Variants in FNDC3B observed in about 807,000 individuals in gnomAD.
FNDC3B encodes fibronectin type III domain containing 3B, also known as fibronectin type III domain-containing protein 3B.
Under a neutral mutation model 151.5 loss-of-function variants are expected in FNDC3B, and 12 were observed. The observed-to-expected ratio is 0.08, with a 90% CI of 0.05 to 0.13. FNDC3B has a LOEUF of 0.13. Ranked by LOEUF, FNDC3B falls within the 10% of genes least tolerant of loss-of-function variation. The probability of loss-of-function intolerance (pLI) is 1.00; values close to 1 mark genes in which losing one functional copy is unlikely to be tolerated. For missense variants in FNDC3B, 1,214 were observed against 1,505.3 expected (o/e 0.81, Z 3.20); for synonymous variants, 528 against 549.0 (o/e 0.96, Z 0.54).
chr3:172,112,362 T>C, intron 1 of FNDC3B, 90 bp from the exon 2 acceptor site: 1 of 728,606 alleles, frequency 1.4e-6, no homozygotes, highest in Non-Finnish European at 2.5e-6. Flanking sequence ...GGTTTCACGA[T>C]GGAGCACTTA....
At chr3:172,167,781 G>A (rs969839511) in intron 3 of FNDC3B, among the ~76,000 whole-genome samples, 3 of 152,114 alleles carry the variant, frequency 2.0e-5, no homozygotes, top group Admixed American at 6.5e-5. Flanking sequence ...ATAGGAGCAC[G>A]AACCCTATTG....
intron 11 of FNDC3B, among the ~76,000 whole-genome samples, chr3:172,313,797 T>G (rs755967077): frequency 2.6e-5 from 4 of 152,156 alleles, no homozygotes; most frequent in South Asian, 2.1e-4. Context: ...TTCCTGGCAA[T>G]GAGAATTCAA....
At chr3:172,191,312 G>A (rs1043857198) in intron 3 of FNDC3B, among the ~76,000 whole-genome samples, 1 of 152,120 alleles carries the variant, frequency 6.6e-6, no homozygotes, top group African/African-American at 2.4e-5. Flanking sequence ...AACTTAACAT[G>A]TATTAAACAT....
chr3:172,101,718 T>A (rs1719387480), intron 1 of FNDC3B, among the ~76,000 whole-genome samples: 1 of 152,240 alleles, frequency 6.6e-6, no homozygotes, highest in Admixed American at 6.5e-5. Flanking sequence ...ATAATTTTGC[T>A]TTTGTGTTTA....
chr3:172,330,969 A>G (rs1732622029), intron 13 of FNDC3B, among the ~76,000 whole-genome samples: 1 of 146,798 alleles, frequency 6.8e-6, no homozygotes, highest in Non-Finnish European at 1.5e-5. Context: ...ATCCTTTTGA[A>G]TCTTCCTTAG....
intron 2 of FNDC3B, among the ~76,000 whole-genome samples, chr3:172,118,261 G>C (rs555893901): frequency 5.0e-4 from 76 of 152,260 alleles, no homozygotes; most frequent in African/African-American, 1.7e-3. Flanking sequence ...GACCTTTTCT[G>C]TTCTGGTTGA....
At chr3:172,263,615 A>G (rs1728773954) in intron 6 of FNDC3B, among the ~76,000 whole-genome samples, 1 of 124,542 alleles carries the variant, frequency 8.0e-6, no homozygotes, top group Non-Finnish European at 1.6e-5. Context: ...TTTTTTTGAC[A>G]CACTGACAGC....
chr3:172,127,710 G>T (rs1289428462), intron 2 of FNDC3B, among the ~76,000 whole-genome samples: 1 of 152,104 alleles, frequency 6.6e-6, no homozygotes, highest in Non-Finnish European at 1.5e-5. Context: ...TTTTGAGACA[G>T]TCTCACTGTG....
At chr3:172,218,672 T>C (rs1726119732) in intron 3 of FNDC3B, among the ~76,000 whole-genome samples, 1 of 152,234 alleles carries the variant, frequency 6.6e-6, no homozygotes, top group Admixed American at 6.5e-5. Flanking sequence ...TTAGCAGCTG[T>C]CATCCCTTTT....
intron 3 of FNDC3B, among the ~76,000 whole-genome samples, chr3:172,216,276 TTTAAGTATAAATAAGC>T (rs1725971726): frequency 6.6e-6 from 1 of 152,184 alleles, no homozygotes; most frequent in Non-Finnish European, 1.5e-5. Flanking sequence ...GGGGTCCTGG[TTTAAGTATAAATAAGC>T]CTATCTTTGG....
chr3:172,239,775 CAAAAAAAAAAAAAAA>C (rs1323282001), intron 4 of FNDC3B, among the ~76,000 whole-genome samples: 1 of 70,194 alleles, frequency 1.4e-5, no homozygotes, highest in Non-Finnish European at 3.5e-5. Context: ...TTAGCTAAGA[CAAAAAAAAAAAAAAA>C]GAAAAAAAGC....
chr3:172,383,336 A>T (rs1185456826), intron 25 of FNDC3B, among the ~76,000 whole-genome samples: 1 of 152,226 alleles, frequency 6.6e-6, no homozygotes, highest in African/African-American at 2.4e-5. Flanking sequence ...ATTTTGCTGA[A>T]GTTGCTTATC....
chr3:172,052,689 G>A (rs542918599), intron 1 of FNDC3B, among the ~76,000 whole-genome samples: 2 of 152,272 alleles, frequency 1.3e-5, no homozygotes, highest in East Asian at 3.9e-4. Flanking sequence ...CTTTAGATCT[G>A]GGGTGGGATC....
intron 3 of FNDC3B, among the ~76,000 whole-genome samples, chr3:172,215,204 C>T (rs1725914423): frequency 6.6e-6 from 1 of 152,196 alleles, no homozygotes; most frequent in African/African-American, 2.4e-5. Context: ...TGTGTATTTG[C>T]CCATGAGTTC....
intron 1 of FNDC3B, among the ~76,000 whole-genome samples, chr3:172,067,212 T>A (rs947336977): frequency 3.3e-5 from 5 of 152,238 alleles, no homozygotes; most frequent in Non-Finnish European, 5.9e-5. Flanking sequence ...TGTTTAGATA[T>A]TATTCAGACA....
chr3:172,054,158 CTG>C (rs1382920793), intron 1 of FNDC3B, among the ~76,000 whole-genome samples: 1 of 152,182 alleles, frequency 6.6e-6, no homozygotes, highest in Admixed American at 6.5e-5. Flanking sequence ...CTAATACTAA[CTG>C]TTTTTCTCCT....
Position 172,226,899 on chromosome 3 carries a change from C to G in FNDC3B, c.216C>G (p.Pro72=). The G allele has an allele frequency of 6.2e-7, 1 of 1,613,112 alleles. No homozygotes were observed. The highest frequency in any genetic ancestry group is 8.5e-7 in the Non-Finnish European group (1 of 1,179,048). Residue 72 remains proline, a synonymous_variant, in exon 4 of 26, where the codon CCC becomes CCG. Transcript: ENST00000415807. ...QGPAEVPMMS[P]NGSIPPIHVP... ...CTGCTGAAGTTCCCATGATGTCACC[C>G]AATGGATCCATTCCTCCCATTCATG... is the stretch of plus-strand genomic sequence containing the variant.
At chr3:172,173,663 T>TA (rs1284232883) in intron 3 of FNDC3B, among the ~76,000 whole-genome samples, 1 of 149,922 alleles carries the variant, frequency 6.7e-6, no homozygotes, top group Admixed American at 6.6e-5. Context: ...AAATTAAAAA[T>TA]AAAAAAAATT....
At position 172,059,480 on chromosome 3, in the gene FNDC3B, G is replaced by T. The variant is rs564421683; in HGVS notation, c.-29+19709G>T. 1.3e-3 allele frequency among the ~76,000 whole-genome samples: 195 copies of T among 152,184 alleles called. 6 individuals are homozygous for T. In the South Asian group the frequency reaches 0.039, roughly 31 times the overall value. Reference sequence around the variant, plus strand: ...AATTTCTCCTGATACTCGGCATTTGGGAGTCAAAAGTTTGCATCTGAAAAA... The same window carrying T: ...AATTTCTCCTGATACTCGGCATTTGTGAGTCAAAAGTTTGCATCTGAAAAA... On this transcript the variant is annotated intron_variant, in intron 1 of 25. Coordinates refer to ENST00000415807, the MANE Select transcript of FNDC3B (RefSeq NM_022763.4).
Sources: allele counts gnomAD v4.1 joint callset (sites outside exome capture counted in the v4.1 genomes callset), GRCh38; gene constraint gnomAD v4.1.1; transcripts MANE v1.5; gene names NCBI Gene and HGNC (gene_info 2026-07-23, HGNC 2026-07-21).